The following AKAP13 variants were observed in gnomAD, a reference collection of about 807,000 sequenced individuals.
The protein encoded by AKAP13 is A-kinase anchoring protein 13.
A neutral mutation model predicts 264.5 loss-of-function variants in AKAP13; 80 were observed. That is an observed-to-expected ratio of 0.30 (90% CI 0.25 to 0.36). The LOEUF is 0.36. Among genes scored for constraint, AKAP13 ranks in the 10% least tolerant of loss-of-function variants. The pLI is 1.00. For synonymous variants in AKAP13, 1,380 were observed against 1,250.2 expected, an observed-to-expected ratio of 1.10 and a Z score of -2.19; for missense variants, 3,712 against 3,435.2, an observed-to-expected ratio of 1.08 and a Z score of -2.01.
intron 1 of AKAP13, among the ~76,000 whole-genome samples, 157 bp from the exon 2 acceptor site, chr15:85,485,553 A>G (rs112112101): frequency 0.017 from 2,558 of 152,262 alleles, 87 homozygotes; most frequent in African/African-American, 0.058. Context: ...CTTCCTTCCT[A>G]AATCTCTTAG....
At chr15:85,452,958 CAGAG>C (rs1178142619) in intron 1 of AKAP13, among the ~76,000 whole-genome samples, 1 of 152,102 alleles carries the variant, frequency 6.6e-6, no homozygotes, top group African/African-American at 2.4e-5. Flanking sequence ...GGCTCCACCT[CAGAG>C]AGATGCAGGT....
chr15:85,432,624 A>G (rs985335171), intron 1 of AKAP13, among the ~76,000 whole-genome samples: 1 of 152,212 alleles, frequency 6.6e-6, no homozygotes, highest in African/African-American at 2.4e-5. Flanking sequence ...AAGTGGATAT[A>G]AGGCCTCATT....
intron 1 of AKAP13, among the ~76,000 whole-genome samples, chr15:85,404,599 C>T (rs1275415752): frequency 6.6e-6 from 1 of 152,152 alleles, no homozygotes; most frequent in Non-Finnish European, 1.5e-5. Context: ...CTACATAAAC[C>T]CTGCTTCATT....
At chr15:85,590,116 G>C (rs572482244) in intron 8 of AKAP13, among the ~76,000 whole-genome samples, 48 of 152,268 alleles carry the variant, frequency 3.2e-4, no homozygotes, top group African/African-American at 1.1e-3. Context: ...CTATGTGTGT[G>C]CCTTGGGAAT....
At chr15:85,694,894 G>A (rs1469067132) in intron 17 of AKAP13, among the ~76,000 whole-genome samples, 1 of 152,142 alleles carries the variant, frequency 6.6e-6, no homozygotes, top group Non-Finnish European at 1.5e-5. Flanking sequence ...CTTGTTTTCA[G>A]TCATTTATGT....
rs1182102999 is a variant in AKAP13, at chr15:85,524,897, G to GTGTC, written c.181+3325_181+3326insCTGT. On this transcript the variant is annotated intron_variant, in intron 3 of 36. Transcript: ENST00000394518. ...CCCCTGTGTGTGTGTGTGTGTGTGT[G>GTGTC]TGTGTCTGTGTGTAATTACAAAGAA... 2.6e-5 allele frequency among the ~76,000 whole-genome samples: 4 copies of GTGTC among 151,538 alleles called. No homozygotes were observed. The East Asian group carries it at 7.7e-4, about 29-fold the overall frequency.
intron 19 of AKAP13, among the ~76,000 whole-genome samples, 188 bp downstream of exon 19, chr15:85,710,833 C>T (rs1038033354): frequency 6.6e-6 from 1 of 152,184 alleles, no homozygotes; most frequent in African/African-American, 2.4e-5. Flanking sequence ...ATCAAACCCT[C>T]TTGGAAGGTC....
At chr15:85,636,715 A>G (rs556875183) in intron 8 of AKAP13, among the ~76,000 whole-genome samples, 15 of 152,050 alleles carry the variant, frequency 9.9e-5, no homozygotes, top group African/African-American at 3.6e-4. Context: ...CCTGGGTTCA[A>G]GTGATTCTCA....
In AKAP13 at chr15:85,533,842, C is replaced by T. The variant is rs373706610; in HGVS notation, c.440C>T (p.Thr147Met). 4.2e-5 allele frequency: 67 copies of T among 1,612,432 alleles called. No homozygotes were observed. The highest frequency in any genetic ancestry group is 2.2e-4 in the East Asian group (10 of 44,858). ...GCATTCAGGCACCTGAAGCTGCCCACGGAGTGGAATGTATTGGGGACAGAT... is the reference window on the plus strand; with the variant it reads ...GCATTCAGGCACCTGAAGCTGCCCATGGAGTGGAATGTATTGGGGACAGAT... ...VLAFRHLKLP[T>M]EWNVLGTDQS... Residue 147 changes from threonine (T) to methionine (M), a missense_variant, in exon 4 of 37, where the codon ACG (threonine) becomes ATG (methionine). Around this residue, in one of 3 missense-constraint regions of AKAP13, gnomAD observed 2,759 missense variants for 2,411.7 expected, o/e 1.14. Transcript: ENST00000394518.
At chr15:85,569,435 C>T (rs1028139242) in intron 5 of AKAP13, among the ~76,000 whole-genome samples, 23 of 146,328 alleles carry the variant, frequency 1.6e-4, no homozygotes, top group African/African-American at 4.9e-4. Flanking sequence ...ATCAGATCAA[C>T]ATATTTTTTT....
chr15:85,583,725 G>T (rs1376536110), intron 7 of AKAP13, among the ~76,000 whole-genome samples: 1 of 152,216 alleles, frequency 6.6e-6, no homozygotes, highest in African/African-American at 2.4e-5. Context: ...GATTGTGTCT[G>T]TAGTATCCTA....
At position 85,414,370 on chromosome 15, in the gene AKAP13, C is replaced by T. The variant is rs62024523; in HGVS notation, c.-12+33572C>T. ...CAAAATGAGAACTTATGAATAGTAGCACAGTAAAAAAAAATCCAAGAGGAA... is the reference window on the plus strand; with the variant it reads ...CAAAATGAGAACTTATGAATAGTAGTACAGTAAAAAAAAATCCAAGAGGAA... On this transcript the variant is annotated intron_variant, in intron 1 of 36. Transcript: ENST00000394518. Among the ~76,000 whole-genome samples the T allele has an allele frequency of 6.2e-3, 946 of 152,080 alleles. 2 individuals carry two copies. Among genetic ancestry groups the T allele is most frequent in the Admixed American group, 8.7e-3 (133 of 15,278 alleles).
rs368449883 is a variant in AKAP13, at chr15:85,676,844, T to C, written c.5102-5314T>C. The C allele has an allele frequency of 1.4e-5, 10 of 730,980 alleles. No homozygotes were observed. The East Asian group carries it at 5.2e-4, about 38-fold the overall frequency. 45.3% of individuals were successfully genotyped at this position (730,980 alleles called of 1,614,324 possible). A position where few individuals can be genotyped will look rare whatever the true frequency, so the allele number is the denominator to read the frequency against. Reference sequence around the variant, plus strand: ...AATGGAGATGAGAATGTAAACAAATTATTACATCATTCACCTAGACAGCAT... The same window carrying C: ...AATGGAGATGAGAATGTAAACAAATCATTACATCATTCACCTAGACAGCAT... On this transcript the variant is annotated intron_variant, in intron 14 of 36. Transcript: ENST00000394518.
Position 85,723,062 on chromosome 15 carries a change from T to C in AKAP13, c.6497-10T>C. 2 of 1,608,662 alleles carry C rather than the reference T, an allele frequency of 1.2e-6. No individual in the cohort carries two copies. Among genetic ancestry groups the C allele is most frequent in the Non-Finnish European group, 1.7e-6 (2 of 1,176,008 alleles). Reference sequence around the variant, plus strand: ...AGCCATAAAAAACAGAATTATTCTTTCCTTCCAAGACAATGAAGTGGAGCA... The same window carrying C: ...AGCCATAAAAAACAGAATTATTCTTCCCTTCCAAGACAATGAAGTGGAGCA... On this transcript the variant is annotated splice_polypyrimidine_tract_variant and intron_variant, in intron 25 of 36. Transcript: ENST00000394518.
At chr15:85,459,663 C>G (rs1596249889) in intron 1 of AKAP13, among the ~76,000 whole-genome samples, 1 of 151,912 alleles carries the variant, frequency 6.6e-6, no homozygotes, top group East Asian at 1.9e-4. Flanking sequence ...CAACGCCCAG[C>G]TAATTTTTTG....
At chr15:85,382,562 ACTT>A in intron 1 of AKAP13, among the ~76,000 whole-genome samples, 1 of 152,328 alleles carries the variant, frequency 6.6e-6, no homozygotes, top group Admixed American at 6.5e-5. Context: ...AGCAAGTACT[ACTT>A]ACAACATGAC....
chr15:85,543,725 GT>G, intron 4 of AKAP13, 46 bp from the exon 5 acceptor site: 1 of 1,543,862 alleles, frequency 6.5e-7, no homozygotes, highest in Non-Finnish European at 8.7e-7. Context: ...TTTGTTTTTT[GT>G]TTTTATATTT....
At position 85,609,856 on chromosome 15, in the gene AKAP13, G is replaced by A. The variant is rs566720272; in HGVS notation, c.4161+24033G>A. On this transcript the variant is annotated intron_variant, in intron 8 of 36. Transcript: ENST00000394518. Reference sequence around the variant, plus strand: ...TCTTCCATTTTCTCTGTTTCCTTCCGTTTATTTTAAAACAGCATCTTTTCT... The same window carrying A: ...TCTTCCATTTTCTCTGTTTCCTTCCATTTATTTTAAAACAGCATCTTTTCT... 6.6e-5 allele frequency among the ~76,000 whole-genome samples: 10 copies of A among 152,036 alleles called. No homozygotes were observed. In the South Asian group the frequency reaches 1.2e-3, roughly 19 times the overall value.
At chr15:85,454,043 G>A (rs1293900026) in intron 1 of AKAP13, among the ~76,000 whole-genome samples, 3 of 152,230 alleles carry the variant, frequency 2.0e-5, no homozygotes, top group African/African-American at 7.2e-5. Flanking sequence ...TTAGGGAGGT[G>A]CAGTGCCACT....
Sources: allele counts gnomAD v4.1 joint callset (sites outside exome capture counted in the v4.1 genomes callset), GRCh38; gene constraint gnomAD v4.1.1; regional missense constraint gnomAD v4.1.1; transcripts MANE v1.5; gene names NCBI Gene and HGNC (gene_info 2026-07-23, HGNC 2026-07-21).